The following EHBP1 variants were observed in gnomAD, a reference collection of about 807,000 sequenced individuals.
EHBP1 encodes EH domain binding protein 1.
EHBP1 carries 55 observed loss-of-function variants against 144.0 expected under a neutral mutation model. That is an observed-to-expected ratio of 0.38 (90% CI 0.31 to 0.48). The LOEUF is 0.48. EHBP1 is among the 20% of genes least tolerant of loss of function. The pLI, the probability that EHBP1 is intolerant of heterozygous loss-of-function variation, is 0.98. For missense variants in EHBP1, 1,200 were observed against 1,364.2 expected (o/e 0.88, Z 1.90); for synonymous variants, 469 against 472.7 (o/e 0.99, Z 0.10).
intron 21 of EHBP1, among the ~76,000 whole-genome samples, 171 bp downstream of exon 21, chr2:63,038,987 A>G (rs547487425): frequency 4.7e-4 from 71 of 152,316 alleles, no homozygotes; most frequent in Non-Finnish European, 9.0e-4. Context: ...TAAGGACCCT[A>G]ATTCAGATAG....
chr2:62,891,426 C>T (rs759258764), intron 10 of EHBP1, among the ~76,000 whole-genome samples: 9 of 152,054 alleles, frequency 5.9e-5, no homozygotes, highest in African/African-American at 1.2e-4. Flanking sequence ...GCAAGCCTTT[C>T]GTGTTTGAAC....
At chr2:62,755,151 G>C (rs1157974279) in intron 3 of EHBP1, among the ~76,000 whole-genome samples, 2 of 151,980 alleles carry the variant, frequency 1.3e-5, no homozygotes, top group Non-Finnish European at 2.9e-5. Context: ...TTTTTCTTTT[G>C]TTCCTCTTCT....
At chr2:62,934,285 A>C (rs1164432835) in intron 10 of EHBP1, among the ~76,000 whole-genome samples, 2 of 152,306 alleles carry the variant, frequency 1.3e-5, no homozygotes, top group African/African-American at 2.4e-5. Context: ...TCTGGGGAGA[A>C]GTGTGCAGTA....
intron 10 of EHBP1, among the ~76,000 whole-genome samples, chr2:62,897,866 T>C (rs1221873095): frequency 6.6e-6 from 1 of 152,168 alleles, no homozygotes; most frequent in African/African-American, 2.4e-5. Context: ...AGATCTTTAT[T>C]TGATGGTGGA....
At chr2:62,674,070 C>G (rs2033197266) in exon 1 of EHBP1, 1 of 471,050 alleles carries the variant, frequency 2.1e-6, no homozygotes, top group South Asian at 1.5e-5. Context: ...ACCACCTAAC[C>G]AGTGATTTTC....
chr2:63,030,681 CG>C (rs2061205738), intron 19 of EHBP1, among the ~76,000 whole-genome samples: 1 of 150,196 alleles, frequency 6.7e-6, no homozygotes, highest in East Asian at 2.0e-4. Context: ...TTAGTAGAGA[CG>C]GGGTTTCACT....
At chr2:62,969,824 G>A (rs1486056479) in intron 14 of EHBP1, among the ~76,000 whole-genome samples, 2 of 152,118 alleles carry the variant, frequency 1.3e-5, no homozygotes, top group East Asian at 1.9e-4. Context: ...GAAATGAGCA[G>A]GTGTGGCCAT....
chr2:63,037,513 G>T (rs760816779), intron 19 of EHBP1, 22 bp from the exon 20 acceptor site: 2 of 1,539,090 alleles, frequency 1.3e-6, no homozygotes, highest in Non-Finnish European at 1.8e-6. Context: ...TATAGTAAAA[G>T]GTAACTCTTC....
At chr2:62,867,761 T>C (rs2152823668) in intron 9 of EHBP1, among the ~76,000 whole-genome samples, 1 of 152,246 alleles carries the variant, frequency 6.6e-6, no homozygotes, top group South Asian at 2.1e-4. Flanking sequence ...AAAACAACTT[T>C]GAAAAAGAGC....
At position 62,879,912 on chromosome 2, in the gene EHBP1, A is replaced by G. The variant is rs887359908; in HGVS notation, c.1185+5380A>G. On this transcript the variant is annotated intron_variant, in intron 10 of 22. Transcript: ENST00000431489. ...CAACAACAAATAGCCTGGATAGCCA[A>G]TGCAATCCTAAGCAAAGAGAACAAA... 3.9e-5 allele frequency among the ~76,000 whole-genome samples: 6 copies of G among 152,230 alleles called. No homozygotes were observed. The East Asian group carries it at 7.7e-4, about 20-fold the overall frequency.
intron 2 of EHBP1, among the ~76,000 whole-genome samples, chr2:62,731,884 G>A (rs113221327): frequency 2.6e-5 from 4 of 152,246 alleles, no homozygotes; most frequent in African/African-American, 9.6e-5. Context: ...TTACAAAACA[G>A]TTGTCATAAG....
chr2:62,949,620 T>C (rs1187188460), intron 13 of EHBP1, among the ~76,000 whole-genome samples: 1 of 152,190 alleles, frequency 6.6e-6, no homozygotes, highest in Admixed American at 6.5e-5. Flanking sequence ...CAATATTCCA[T>C]TTAATAAGAA....
chr2:62,681,300 C>T (rs1234338198), intron 1 of EHBP1, among the ~76,000 whole-genome samples: 1 of 104,608 alleles, frequency 9.6e-6, no homozygotes, highest in African/African-American at 4.0e-5. Context: ...AGCAAAGCTC[C>T]ATCTCAAATA....
At chr2:62,911,753 C>T (rs2054235126) in intron 10 of EHBP1, among the ~76,000 whole-genome samples, 1 of 152,032 alleles carries the variant, frequency 6.6e-6, no homozygotes, top group South Asian at 2.1e-4. Flanking sequence ...TGAGCCACGG[C>T]ACCCAGCCTA....
At chr2:62,924,039 T>TATCCCA (rs2055306671) in intron 10 of EHBP1, among the ~76,000 whole-genome samples, 1 of 152,068 alleles carries the variant, frequency 6.6e-6, no homozygotes, top group African/African-American at 2.4e-5. Flanking sequence ...CTTGTACCCA[T>TATCCCA]ATCCCAAGCC....
At chr2:62,939,949 T>G in intron 10 of EHBP1, 1 of 254,624 alleles carries the variant, frequency 3.9e-6, no homozygotes, top group South Asian at 4.8e-5. Flanking sequence ...CAGCCATGGG[T>G]TTAAGCACTG....
At chr2:62,698,523 T>C (rs2034177266) in intron 1 of EHBP1, among the ~76,000 whole-genome samples, 2 of 152,262 alleles carry the variant, frequency 1.3e-5, no homozygotes, top group African/African-American at 4.8e-5. Flanking sequence ...GATTGAACTA[T>C]GGCACAAAAA....
intron 2 of EHBP1, among the ~76,000 whole-genome samples, chr2:62,738,307 T>C (rs571779616): frequency 6.6e-6 from 1 of 152,312 alleles, no homozygotes; most frequent in African/African-American, 2.4e-5. Context: ...CATTGTGACT[T>C]AGTAAACATA....
intron 3 of EHBP1, among the ~76,000 whole-genome samples, chr2:62,755,988 C>A (rs898871711): frequency 6.6e-6 from 1 of 151,748 alleles, no homozygotes; most frequent in Non-Finnish European, 1.5e-5. Flanking sequence ...ATTAAGAATA[C>A]CCTGGCTGGT....
Sources: gnomAD v4.1 joint callset for allele counts (sites outside exome capture counted in the v4.1 genomes callset) on GRCh38, gnomAD v4.1.1 for gene constraint, MANE v1.5 for transcripts, NCBI Gene and HGNC (gene_info 2026-07-23, HGNC 2026-07-21) for gene names.